Variants in ASIC2 observed in about 807,000 individuals in gnomAD.
ASIC2 encodes acid-sensing ion channel 2.
Under a neutral mutation model 57.3 loss-of-function variants are expected in ASIC2, and 25 were observed. The observed-to-expected ratio is 0.44, with a 90% CI of 0.32 to 0.61. The LOEUF (loss-of-function observed/expected upper bound fraction) is 0.61, where lower values mean the gene tolerates loss of function less well. Among genes scored for constraint, ASIC2 ranks in the 20% least tolerant of loss-of-function variants. The pLI is 0.06. For missense variants in ASIC2, 641 were observed against 738.1 expected (o/e 0.87, Z 1.52); for synonymous variants, 319 against 307.5 (o/e 1.04, Z -0.39).
At chr17:33,408,137 C>T (rs553842621) in intron 1 of ASIC2, among the ~76,000 whole-genome samples, 1 of 152,200 alleles carries the variant, frequency 6.6e-6, no homozygotes, top group African/African-American at 2.4e-5. Context: ...GTTTGACATG[C>T]AGGAGATGCT....
chr17:33,258,814 A>G (rs1209553586), intron 1 of ASIC2, among the ~76,000 whole-genome samples: 1 of 152,246 alleles, frequency 6.6e-6, no homozygotes, highest in Non-Finnish European at 1.5e-5. Flanking sequence ...AGAACAAGGG[A>G]TTTGAACCCA....
chr17:33,652,527 A>G (rs1906952462), intron 1 of ASIC2, among the ~76,000 whole-genome samples: 1 of 152,152 alleles, frequency 6.6e-6, no homozygotes, highest in African/African-American at 2.4e-5. Flanking sequence ...AGACTGTCCA[A>G]TTTTCCTGCA....
chr17:33,706,637 A>AGTT (rs937418763), intron 1 of ASIC2, among the ~76,000 whole-genome samples: 1 of 151,724 alleles, frequency 6.6e-6, no homozygotes, highest in Non-Finnish European at 1.5e-5. Flanking sequence ...TTTTTTCTGG[A>AGTT]GTTAGTAATT....
intron 1 of ASIC2, among the ~76,000 whole-genome samples, chr17:33,817,106 C>G (rs9902938): frequency 0.074 from 11,243 of 152,216 alleles, 481 homozygotes; most frequent in East Asian, 0.19. Flanking sequence ...AAGCCTGGCC[C>G]CCATGCCAGA....
chr17:33,867,917 G>A, intron 1 of ASIC2, among the ~76,000 whole-genome samples: 1 of 152,206 alleles, frequency 6.6e-6, no homozygotes, highest in East Asian at 1.9e-4. Flanking sequence ...ATGGGGTTTA[G>A]GGACCACGAT....
At chr17:33,068,956 C>G (rs2092056107) in intron 3 of ASIC2, among the ~76,000 whole-genome samples, 1 of 151,832 alleles carries the variant, frequency 6.6e-6, no homozygotes, top group Non-Finnish European at 1.5e-5. Context: ...TTCTTCTTTT[C>G]CTAATATAGG....
chr17:33,855,516 T>A (rs1239820104), intron 1 of ASIC2, among the ~76,000 whole-genome samples: 1 of 152,158 alleles, frequency 6.6e-6, no homozygotes, highest in East Asian at 1.9e-4. Flanking sequence ...GTTAAGAGGA[T>A]AATTCTTTGG....
chr17:33,458,162 G>T (rs1332122805), intron 1 of ASIC2, among the ~76,000 whole-genome samples: 1 of 152,172 alleles, frequency 6.6e-6, no homozygotes, highest in Non-Finnish European at 1.5e-5. Context: ...CAGCCTGATA[G>T]ATAGAAAGAA....
intron 3 of ASIC2, among the ~76,000 whole-genome samples, chr17:33,083,324 GT>G (rs199821254): frequency 0.013 from 1,921 of 152,282 alleles, 36 homozygotes; most frequent in African/African-American, 0.044. Context: ...GTCAGGAGCA[GT>G]GATCCACATG....
intron 1 of ASIC2, among the ~76,000 whole-genome samples, chr17:33,413,119 C>T (rs1910721956): frequency 6.6e-6 from 1 of 152,266 alleles, no homozygotes; most frequent in Admixed American, 6.5e-5. Context: ...GAGCATCACG[C>T]TTTCCCCCGA....
rs114265562 is a variant in ASIC2, at chr17:34,153,268, C to T, written c.555+2710G>A. Among the ~76,000 whole-genome samples, 1,072 of 152,316 alleles carry T rather than the reference C, an allele frequency of 7.0e-3. 9 individuals are homozygous for T. Among genetic ancestry groups the T allele is most frequent in the African/African-American group, 0.025 (1,022 of 41,568 alleles). On this transcript the variant is annotated intron_variant, in intron 1 of 9. Transcript: ENST00000359872. ...GTGACATCCCTTCCCCCATACTTAA[C>T]TTCTCTAATAAGTCAGCCACCGCAC... is the stretch of plus-strand genomic sequence containing the variant.
At chr17:33,334,918 A>G (rs1907455712) in intron 1 of ASIC2, among the ~76,000 whole-genome samples, 1 of 152,250 alleles carries the variant, frequency 6.6e-6, no homozygotes, top group Admixed American at 6.5e-5. Flanking sequence ...GAGTAATTAC[A>G]GCATAATACA....
At chr17:33,490,824 A>T (rs4459594) in intron 1 of ASIC2, among the ~76,000 whole-genome samples, 14 of 152,160 alleles carry the variant, frequency 9.2e-5, no homozygotes, top group South Asian at 2.1e-4. Context: ...AAATTTCCAC[A>T]TGGAGTCTTA....
chr17:33,097,672 G>A (rs559480276), intron 2 of ASIC2, among the ~76,000 whole-genome samples: 1 of 152,240 alleles, frequency 6.6e-6, no homozygotes, highest in Admixed American at 6.5e-5. Flanking sequence ...AGCTGATAAA[G>A]TTCCAAGCTG....
At chr17:33,520,061 A>ACCAT (rs1914694283) in intron 1 of ASIC2, among the ~76,000 whole-genome samples, 2 of 152,228 alleles carry the variant, frequency 1.3e-5, no homozygotes, top group Non-Finnish European at 2.9e-5. Context: ...TGCTATTCCT[A>ACCAT]CCATCCAAGA....
At chr17:34,099,736 AAGAAAGAAAG>A (rs1167921715) in intron 1 of ASIC2, among the ~76,000 whole-genome samples, 3 of 414 alleles carry the variant, frequency 7.2e-3, no homozygotes, top group African/African-American at 0.014. Context: ...GAAAGAAGGA[AAGAAAGAAAG>A]AAAGAAAGAA....
intron 1 of ASIC2, chr17:34,004,500 G>A (rs1427701446): frequency 1.3e-5 from 2 of 152,226 alleles, no homozygotes; most frequent in Non-Finnish European, 2.9e-5. Flanking sequence ...CTGGACTATA[G>A]TTCCCTCCTC....
chr17:33,062,149 G>T (rs1389804893), intron 3 of ASIC2, among the ~76,000 whole-genome samples: 8 of 152,082 alleles, frequency 5.3e-5, no homozygotes, highest in Admixed American at 5.2e-4. Context: ...GGTTTTTTGT[G>T]TCTCTATCTC....
intron 1 of ASIC2, among the ~76,000 whole-genome samples, chr17:33,309,379 G>A (rs1906312807): frequency 6.6e-6 from 1 of 152,164 alleles, no homozygotes; most frequent in South Asian, 2.1e-4. Flanking sequence ...TTTTTGAAAA[G>A]CAGAACATAA....
Sources: gnomAD v4.1 joint callset for allele counts (sites outside exome capture counted in the v4.1 genomes callset) on GRCh38, gnomAD v4.1.1 for gene constraint, MANE v1.5 for transcripts, NCBI Gene and HGNC (gene_info 2026-07-23, HGNC 2026-07-21) for gene names.